The following MCHR2 variants were observed in gnomAD, a reference collection of about 807,000 sequenced individuals.
MCHR2 encodes the protein melanin-concentrating hormone receptor 2.
Under a neutral mutation model 24.8 loss-of-function variants are expected in MCHR2, and 15 were observed. The ratio of observed to expected loss-of-function variants is 0.60; its 90% CI spans 0.40 to 0.93. The LOEUF is 0.93. MCHR2 is among the 40% of genes least tolerant of loss of function. The pLI is 0.00. For synonymous variants in MCHR2, 151 were observed against 147.6 expected (o/e 1.02, Z -0.17); for missense variants, 386 against 408.7 (o/e 0.94, Z 0.48).
rs562912873 is a variant in MCHR2, at chr6:99,955,176, C to T, written c.182+790G>A. On this transcript the variant is annotated intron_variant, in intron 2 of 5. Coordinates refer to ENST00000281806, the MANE Select transcript of MCHR2 (RefSeq NM_001040179.2). ...TAGTTATTAAAACTAGCAAAACTTACATGTGAAAATAATCAGGATAGTAAA... is the reference window on the plus strand; with the variant it reads ...TAGTTATTAAAACTAGCAAAACTTATATGTGAAAATAATCAGGATAGTAAA... Among the ~76,000 whole-genome samples the T allele has an allele frequency of 3.9e-5, 6 of 152,266 alleles. No homozygotes were observed. In the South Asian group the frequency reaches 8.3e-4, roughly 21 times the overall value.
intron 5 of MCHR2, among the ~76,000 whole-genome samples, chr6:99,931,004 A>C (rs532305227): frequency 6.6e-6 from 1 of 152,218 alleles, no homozygotes; most frequent in South Asian, 2.1e-4. Context: ...ATGGTGATGT[A>C]CAGATGGGTT....
chr6:99,938,549 T>C (rs2114514624), intron 4 of MCHR2, among the ~76,000 whole-genome samples: 1 of 152,190 alleles, frequency 6.6e-6, no homozygotes, highest in Non-Finnish European at 1.5e-5. Context: ...TCCATTGTGG[T>C]CAAAGATACT....
chr6:99,935,259 G>A (rs1256988716), intron 4 of MCHR2, among the ~76,000 whole-genome samples: 1 of 151,906 alleles, frequency 6.6e-6, no homozygotes, highest in Non-Finnish European at 1.5e-5. Context: ...TGTACAATAG[G>A]ATATTTTAAA....
chr6:99,949,205 G>A (rs1042468643), intron 2 of MCHR2, among the ~76,000 whole-genome samples: 3 of 152,112 alleles, frequency 2.0e-5, no homozygotes, highest in Non-Finnish European at 4.4e-5. Context: ...TGTGCTCTAA[G>A]GCTGTAAAGC....
At chr6:99,928,120 T>C (rs1245720422) in intron 5 of MCHR2, among the ~76,000 whole-genome samples, 1 of 152,214 alleles carries the variant, frequency 6.6e-6, no homozygotes, top group Non-Finnish European at 1.5e-5. Context: ...TTTGGTTCTG[T>C]TTATATTGCG....
intron 5 of MCHR2, among the ~76,000 whole-genome samples, chr6:99,932,988 T>C (rs767727610): frequency 1.7e-4 from 25 of 148,730 alleles, no homozygotes; most frequent in Non-Finnish European, 3.5e-4. Context: ...CCCTCTGTAC[T>C]GTCTCTGTAC....
intron 1 of MCHR2, among the ~76,000 whole-genome samples, chr6:99,962,391 G>A (rs1174454449): frequency 6.6e-6 from 1 of 152,092 alleles, no homozygotes; most frequent in Non-Finnish European, 1.5e-5. Flanking sequence ...TCTAACTGTG[G>A]TTGTCCACAG....
At chr6:99,969,911 A>T (rs1582401175) in intron 1 of MCHR2, among the ~76,000 whole-genome samples, 3 of 149,698 alleles carry the variant, frequency 2.0e-5, no homozygotes, top group East Asian at 3.9e-4. Context: ...TTATGGCTGC[A>T]TAGTATTCCA....
At chr6:99,945,009 C>T (rs1284688712) in intron 3 of MCHR2, among the ~76,000 whole-genome samples, 1 of 152,116 alleles carries the variant, frequency 6.6e-6, no homozygotes, top group African/African-American at 2.4e-5. Flanking sequence ...TAACTGTCTC[C>T]CTCTTAGGGA....
Position 99,942,933 on chromosome 6 carries a change from A to G in MCHR2, c.587+16T>C, listed in dbSNP as rs755695944. The G allele has an allele frequency of 1.9e-6, 3 of 1,576,738 alleles. No homozygotes were observed. In the South Asian group the frequency reaches 3.5e-5, roughly 18 times the overall value. Reference sequence around the variant, plus strand: ...AACTTAATTCAACTCGTTTTTCTTAAGTTTTCACAACTTACCAGAGTACAT... The same window carrying G: ...AACTTAATTCAACTCGTTTTTCTTAGGTTTTCACAACTTACCAGAGTACAT... On this transcript the variant is annotated intron_variant, in intron 4 of 5. Transcript: ENST00000281806.
chr6:99,954,267 T>C (rs1207191100), intron 2 of MCHR2, among the ~76,000 whole-genome samples: 1 of 152,082 alleles, frequency 6.6e-6, no homozygotes, highest in African/African-American at 2.4e-5. Flanking sequence ...CTTAAATGGG[T>C]GTAATAATAG....
rs1162521466 is a variant in MCHR2, at chr6:99,947,964, T to C, written c.190A>G (p.Lys64Glu). 4 of 1,613,108 alleles carry C rather than the reference T, an allele frequency of 2.5e-6. No individual in the cohort carries two copies. Among genetic ancestry groups the C allele is most frequent in the Non-Finnish European group, 2.5e-6 (3 of 1,179,482 alleles). ...ATATAGATGTCAGGGACTGTTTTTTTCCTGGATCTGAAAGAGATAGAGGAA... is the reference window on the plus strand; with the variant it reads ...ATATAGATGTCAGGGACTGTTTTTTCCCTGGATCTGAAAGAGATAGAGGAA... ...LIVFTIIRSR[K>E]KTVPDIYICN... The change falls in exon 3 of 6, where the codon AAA becomes GAA. Residue 64 changes from lysine to glutamate, a missense_variant. Lys to Glu is a moderately conservative substitution (Grantham distance 56). Coordinates refer to ENST00000281806, the MANE Select transcript of MCHR2 (RefSeq NM_001040179.2).
At chr6:99,979,294 C>T (rs185921655) in intron 1 of MCHR2, among the ~76,000 whole-genome samples, 1 of 152,232 alleles carries the variant, frequency 6.6e-6, no homozygotes, top group African/African-American at 2.4e-5. Context: ...GAAAGAATCC[C>T]TGCACTTTGC....
intron 4 of MCHR2, among the ~76,000 whole-genome samples, chr6:99,942,644 C>T (rs572235550): frequency 4.7e-4 from 71 of 152,246 alleles, no homozygotes; most frequent in African/African-American, 1.5e-3. Flanking sequence ...TCTGGAAATT[C>T]CTTACCTCCC....
In MCHR2 at chr6:99,994,056, C is replaced by G. The variant is rs1404362305; in HGVS notation, c.-148G>C. ...ACGGCTCTCAGCGGGTCCCAGCTGACGGAAGGTGGGGGAGGAGTGCGAGGG... is the reference window on the plus strand; with the variant it reads ...ACGGCTCTCAGCGGGTCCCAGCTGAGGGAAGGTGGGGGAGGAGTGCGAGGG... On this transcript the variant is annotated 5_prime_UTR_variant, in exon 1 of 6. Coordinates refer to ENST00000281806, the MANE Select transcript of MCHR2 (RefSeq NM_001040179.2). 1 of 152,390 alleles carries G rather than the reference C, an allele frequency of 6.6e-6. No individual in the cohort carries two copies. Among genetic ancestry groups the G allele is most frequent in the South Asian group, 2.1e-4 (1 of 4,832 alleles). The allele number at this position is 152,390 out of a possible 1,614,324, so 9.4% of individuals were successfully genotyped here. A position where few individuals can be genotyped will look rare whatever the true frequency, so the allele number is the denominator to read the frequency against.
intron 1 of MCHR2, among the ~76,000 whole-genome samples, chr6:99,958,822 G>C (rs1482388635): frequency 1.3e-5 from 2 of 152,194 alleles, no homozygotes; most frequent in Non-Finnish European, 2.9e-5. Context: ...TGGGGAGAGA[G>C]AGAAAACTGG....
chr6:99,956,349 C>T (rs543308880), intron 1 of MCHR2, among the ~76,000 whole-genome samples, 175 bp from the exon 2 acceptor site: 1 of 151,992 alleles, frequency 6.6e-6, no homozygotes, highest in Non-Finnish European at 1.5e-5. Flanking sequence ...CAGATTACCA[C>T]AAGAGATAGG....
intron 1 of MCHR2, among the ~76,000 whole-genome samples, chr6:99,960,079 A>G (rs1775148774): frequency 2.0e-5 from 3 of 152,032 alleles, no homozygotes; most frequent in South Asian, 4.1e-4. Context: ...ACAACAGAAA[A>G]TTTTGAAAGC....
intron 5 of MCHR2, among the ~76,000 whole-genome samples, chr6:99,931,703 A>C (rs1404006395): frequency 6.6e-6 from 1 of 152,148 alleles, no homozygotes; most frequent in African/African-American, 2.4e-5. Flanking sequence ...GCGCAGTATT[A>C]GGGTGGGAGT....
Sources: allele counts gnomAD v4.1 joint callset (sites outside exome capture counted in the v4.1 genomes callset), GRCh38; gene constraint gnomAD v4.1.1; transcripts MANE v1.5; gene names NCBI Gene and HGNC (gene_info 2026-07-23, HGNC 2026-07-21).